Variants in COL24A1 observed in about 807,000 individuals in gnomAD.
COL24A1 encodes collagen alpha-1(XXIV) chain.
A neutral mutation model predicts 253.9 loss-of-function variants in COL24A1; 224 were observed. That is an observed-to-expected ratio of 0.88 (90% CI 0.79 to 0.99). The LOEUF is 0.99. Ranked by LOEUF, COL24A1 falls within the 50% of genes least tolerant of loss-of-function variation. COL24A1 has a pLI of 0.00. For synonymous variants in COL24A1, 685 were observed against 673.7 expected (o/e 1.02, Z -0.26); for missense variants, 2,131 against 2,068.5 (o/e 1.03, Z -0.59).
chr1:86,086,490 AACTACATGGAG>A (rs1306716811), intron 7 of COL24A1, among the ~76,000 whole-genome samples: 12 of 152,290 alleles, frequency 7.9e-5, no homozygotes, highest in African/African-American at 2.2e-4. Context: ...CACCTGAAGA[AACTACATGGAG>A]ACTACATTAC....
At chr1:85,800,016 A>AGGGACAGAATCTGTTCTAT (rs1671264232) in intron 47 of COL24A1, among the ~76,000 whole-genome samples, 1 of 152,210 alleles carries the variant, frequency 6.6e-6, no homozygotes, top group South Asian at 2.1e-4. Context: ...TCGTACATAA[A>AGGGACAGAATCTGTTCTAT]GGGACAGAAT....
chr1:86,147,550 G>A (rs796124802), intron 1 of COL24A1, among the ~76,000 whole-genome samples: 4 of 152,076 alleles, frequency 2.6e-5, no homozygotes, highest in South Asian at 4.1e-4. Context: ...TCTTATATAT[G>A]GCATTATTCA....
In COL24A1 at chr1:85,942,258, T is replaced by C. The variant is rs540435567; in HGVS notation, c.2562+18991A>G. On this transcript the variant is annotated intron_variant, in intron 24 of 59. Coordinates refer to ENST00000370571, the MANE Select transcript of COL24A1 (RefSeq NM_152890.7). ...CAAGTACAGGATAGCATCTTTGAGA[T>C]ATGCTGCAGAAAAACCTAGAAAGTT... 1.9e-4 allele frequency among the ~76,000 whole-genome samples: 29 copies of C among 152,282 alleles called. No homozygotes were observed. The South Asian group carries it at 4.3e-3, about 23-fold the overall frequency.
chr1:85,939,637 C>A (rs1688551383), intron 24 of COL24A1, among the ~76,000 whole-genome samples: 1 of 152,076 alleles, frequency 6.6e-6, no homozygotes, highest in African/African-American at 2.4e-5. Flanking sequence ...ATAGAGCTCA[C>A]CAAAGACTGA....
intron 27 of COL24A1, 132 bp from the exon 28 acceptor site, chr1:85,907,379 A>G: frequency 1.4e-6 from 1 of 691,162 alleles, no homozygotes. Context: ...CCTTAAAAAT[A>G]TGCTTTAATC....
chr1:85,982,052 T>C (rs1693304311), intron 20 of COL24A1, among the ~76,000 whole-genome samples: 1 of 151,868 alleles, frequency 6.6e-6, no homozygotes, highest in Admixed American at 6.6e-5. Flanking sequence ...GTAAAGAAAA[T>C]GTGGTATATA....
Position 86,013,973 on chromosome 1 carries a change from C to T in COL24A1, c.2310+3178G>A, listed in dbSNP as rs192438125. On this transcript the variant is annotated intron_variant, in intron 19 of 59. Transcript: ENST00000370571. ...ACTCCTGCAGCTCCTTTCTCCTGCA[C>T]AGTCCCCTTACTCTTGAGATTTAGT... Among the ~76,000 whole-genome samples, 47 of 152,350 alleles carry T rather than the reference C, an allele frequency of 3.1e-4. 1 individual carries two copies. Among genetic ancestry groups the T allele is most frequent in the Admixed American group, 3.0e-3 (46 of 15,298 alleles).
intron 32 of COL24A1, among the ~76,000 whole-genome samples, chr1:85,882,853 G>A (rs890623218): frequency 6.6e-6 from 1 of 152,180 alleles, no homozygotes; most frequent in Non-Finnish European, 1.5e-5. Flanking sequence ...ATTGCACCAT[G>A]TCTCTCTTTA....
chr1:85,911,524 C>T (rs1298016800), intron 24 of COL24A1, 91 bp from the exon 25 acceptor site: 1 of 1,000,864 alleles, frequency 1.0e-6, no homozygotes, highest in Non-Finnish European at 1.6e-6. Context: ...CACTATGTTT[C>T]TTTCTAACTT....
intron 19 of COL24A1, among the ~76,000 whole-genome samples, chr1:85,999,153 T>C (rs543376289): frequency 3.7e-4 from 56 of 152,308 alleles, no homozygotes; most frequent in African/African-American, 1.2e-3. Context: ...GCAATGAATA[T>C]GTAAACCAAA....
intron 12 of COL24A1, among the ~76,000 whole-genome samples, chr1:86,041,625 T>C (rs1438218982): frequency 6.6e-6 from 1 of 152,088 alleles, no homozygotes; most frequent in African/African-American, 2.4e-5. Context: ...AGTTATCAAA[T>C]ACATAACAAA....
chr1:86,101,662 T>C (rs1704466369), intron 5 of COL24A1, among the ~76,000 whole-genome samples: 1 of 152,224 alleles, frequency 6.6e-6, no homozygotes, highest in Non-Finnish European at 1.5e-5. Flanking sequence ...TTTTTGTCTT[T>C]AATTCTGTTT....
rs1358583452 is a variant in COL24A1, at chr1:85,966,372, C to A, written c.2464-1310G>T. Among the ~76,000 whole-genome samples the A allele has an allele frequency of 2.0e-5, 3 of 152,066 alleles. No individual in the cohort carries two copies. The East Asian group carries it at 5.8e-4, about 29-fold the overall frequency. ...CTTGTGGTAGTTATTTATACAAGTC[C>A]AGAATTTAACTGGATCAGTTAAATT... On this transcript the variant is annotated intron_variant, in intron 22 of 59. Coordinates refer to ENST00000370571, the MANE Select transcript of COL24A1 (RefSeq NM_152890.7).
At chr1:86,134,654 C>T (rs1200373918) in intron 2 of COL24A1, among the ~76,000 whole-genome samples, 10 of 147,788 alleles carry the variant, frequency 6.8e-5, no homozygotes, top group East Asian at 2.0e-4. Flanking sequence ...TGTAGTCGTG[C>T]GGTTTTCAGT....
intron 7 of COL24A1, among the ~76,000 whole-genome samples, chr1:86,080,601 G>A (rs1571857219): frequency 6.6e-6 from 1 of 151,868 alleles, no homozygotes; most frequent in Admixed American, 6.6e-5. Context: ...TAAATAAATT[G>A]CCTCAGCAAG....
At chr1:85,896,273 A>T in intron 29 of COL24A1, 83 bp downstream of exon 29, 1 of 1,359,864 alleles carries the variant, frequency 7.4e-7, no homozygotes, top group East Asian at 2.3e-5. Flanking sequence ...TTTTGTAGGG[A>T]AATATATTGT....
At chr1:86,017,330 T>A in intron 18 of COL24A1, 126 bp from the exon 19 acceptor site, 2 of 887,696 alleles carry the variant, frequency 2.3e-6, no homozygotes, top group Non-Finnish European at 3.3e-6. Context: ...AAGGTTGTAA[T>A]GACTTTTTAG....
At chr1:85,923,963 C>T (rs551873300) in intron 24 of COL24A1, among the ~76,000 whole-genome samples, 33 of 152,064 alleles carry the variant, frequency 2.2e-4, no homozygotes, top group African/African-American at 5.1e-4. Context: ...ATCAAACAGA[C>T]GCAATAAAAA....
intron 57 of COL24A1, among the ~76,000 whole-genome samples, chr1:85,742,584 A>G (rs1235357610): frequency 1.3e-5 from 2 of 152,198 alleles, no homozygotes; most frequent in African/African-American, 4.8e-5. Context: ...TACCTACTTG[A>G]CATTCTTACT....
Sources: gnomAD v4.1 joint callset for allele counts (sites outside exome capture counted in the v4.1 genomes callset) on GRCh38, gnomAD v4.1.1 for gene constraint, MANE v1.5 for transcripts, NCBI Gene and HGNC (gene_info 2026-07-23, HGNC 2026-07-21) for gene names.